Variants in GNS observed in about 807,000 individuals in gnomAD.
GNS encodes the protein N-acetylglucosamine-6-sulfatase.
GNS carries 40 observed loss-of-function variants against 69.7 expected under a neutral mutation model. That is an observed-to-expected ratio of 0.57 (90% CI 0.45 to 0.75). The LOEUF is 0.75. Among genes scored for constraint, GNS ranks in the 30% least tolerant of loss-of-function variants. The probability of loss-of-function intolerance (pLI) is 0.00; values close to 1 mark genes in which losing one functional copy is unlikely to be tolerated. For missense variants in GNS, 565 were observed against 685.5 expected, an observed-to-expected ratio of 0.82 and a Z score of 1.96; for synonymous variants, 243 against 251.6, an observed-to-expected ratio of 0.97 and a Z score of 0.32.
At chr12:64,745,204 CTTTTTTTTTTTTTTTTTT>C (rs141453545) in intron 4 of GNS, among the ~76,000 whole-genome samples, 7 of 42,352 alleles carry the variant, frequency 1.7e-4, no homozygotes, top group African/African-American at 5.9e-4. Flanking sequence ...AGTCAATAGA[CTTTTTTTTTTTTTTTTTT>C]TTTTTTTTTT....
chr12:64,719,754 CA>C (rs1868967188), intron 13 of GNS, among the ~76,000 whole-genome samples: 1 of 152,084 alleles, frequency 6.6e-6, no homozygotes, highest in Admixed American at 6.6e-5. Context: ...GGTACCATGA[CA>C]ATAATCACAG....
chr12:64,756,753 C>G, intron 1 of GNS: 1 of 1,490,014 alleles, frequency 6.7e-7, no homozygotes, highest in Non-Finnish European at 9.0e-7. Context: ...GTAGAATATT[C>G]TGAAAAAGCC....
chr12:64,728,917 C>T (rs548972105), intron 10 of GNS, 39 bp downstream of exon 10: 16 of 892,280 alleles, frequency 1.8e-5, no homozygotes, highest in Middle Eastern at 2.1e-4. Context: ...GAATTTATTG[C>T]GGTCTTGGCT....
chr12:64,752,749 T>C lies in GNS; in HGVS notation c.201A>G (p.Leu67=). 1.3e-6 allele frequency: 2 copies of C among 1,496,594 alleles called. No individual in the cohort carries two copies. Among genetic ancestry groups the C allele is most frequent in the Non-Finnish European group, 1.9e-6 (2 of 1,075,082 alleles). 92.7% of individuals were successfully genotyped at this position (1,496,594 alleles called of 1,614,324 possible). A position where few individuals can be genotyped will look rare whatever the true frequency, so the allele number is the denominator to read the frequency against. Residue 67 remains leucine, a synonymous_variant, in exon 2 of 14, where the codon CTA becomes CTG. Transcript: ENST00000258145. ...CTCCGATGAGAGCTTTGGTTTTCTTTAGCGGTGTCTGTAAAAGTAAGTAAT... is the reference window on the plus strand; with the variant it reads ...CTCCGATGAGAGCTTTGGTTTTCTTCAGCGGTGTCTGTAAAAGTAAGTAAT... The part of the protein sequence containing the change: ...QDEVLGGMTP[L]KKTKALIGEM...
intron 1 of GNS, among the ~76,000 whole-genome samples, chr12:64,757,591 T>C (rs1870294096): frequency 1.3e-5 from 2 of 152,118 alleles, no homozygotes; most frequent in Non-Finnish European, 2.9e-5. Flanking sequence ...GTAGTCAAAA[T>C]GCAAGCCTCT....
At chr12:64,742,177 C>T (rs950005452) in intron 6 of GNS, among the ~76,000 whole-genome samples, 12 of 152,060 alleles carry the variant, frequency 7.9e-5, no homozygotes, top group East Asian at 1.9e-4. Flanking sequence ...TCCACCACCA[C>T]GCCCGGCTAA....
chr12:64,731,139 C>G (rs757975517), intron 9 of GNS, among the ~76,000 whole-genome samples: 2 of 152,208 alleles, frequency 1.3e-5, no homozygotes, highest in African/African-American at 4.8e-5. Flanking sequence ...TGCAGTGGCA[C>G]AATCACAGCT....
At chr12:64,726,783 A>T (rs1869214695) in intron 10 of GNS, among the ~76,000 whole-genome samples, 1 of 152,164 alleles carries the variant, frequency 6.6e-6, no homozygotes, top group Admixed American at 6.5e-5. Context: ...GGTGTGAGCC[A>T]CTGCACCTGG....
Position 64,738,592 on chromosome 12 carries a change from T to G in GNS, c.994+789A>C, listed in dbSNP as rs139095139. On this transcript the variant is annotated intron_variant, in intron 8 of 13. Transcript: ENST00000258145. ...CTTAGGGAGGCTGAGGTAGGCAGAT[T>G]ACCTGAGGTCAGGAGTTCAAGACCA... Among the ~76,000 whole-genome samples the G allele has an allele frequency of 2.4e-3, 361 of 152,152 alleles. 1 individual carries two copies. Among genetic ancestry groups the G allele is most frequent in the African/African-American group, 8.3e-3 (346 of 41,526 alleles).
intron 9 of GNS, among the ~76,000 whole-genome samples, chr12:64,732,238 G>A (rs1191081802): frequency 6.9e-6 from 1 of 144,498 alleles, no homozygotes; most frequent in Non-Finnish European, 1.5e-5. Flanking sequence ...CACGATCTCA[G>A]CTCACTGCAA....
chr12:64,721,519 C>T, intron 12 of GNS, 76 bp downstream of exon 12: 1 of 797,460 alleles, frequency 1.3e-6, no homozygotes, highest in Non-Finnish European at 2.3e-6. Flanking sequence ...TGGAATTGCT[C>T]TTATGCCACC....
chr12:64,721,256 G>A (rs949104862), intron 12 of GNS, among the ~76,000 whole-genome samples: 4 of 152,196 alleles, frequency 2.6e-5, no homozygotes, highest in Admixed American at 6.5e-5. Context: ...AGGAGTTTCC[G>A]AATACACCAG....
In GNS at chr12:64,713,637, T is replaced by A. The variant is rs1868776140; in HGVS notation, c.*3104A>T. ...GTGGTAAAACTCAAGAACCCAACTC[T>A]ACCCATCTAATTCCATTGGTGGATC... On this transcript the variant is annotated 3_prime_UTR_variant, in exon 14 of 14. Transcript: ENST00000258145. The A allele has an allele frequency of 6.6e-6, 1 of 152,482 alleles. No homozygotes were observed. The allele number at this position is 152,482 out of a possible 1,614,324, so 9.4% of individuals were successfully genotyped here. A position where few individuals can be genotyped will look rare whatever the true frequency, so the allele number is the denominator to read the frequency against.
rs1323813718 is a variant in GNS, at chr12:64,716,321, G to T, written c.*420C>A. ...GTGCTCAATCTGAAATGCTACACAG[G>T]TCCTTTGACTTTAGGTCAAGCTTAC... On this transcript the variant is annotated 3_prime_UTR_variant, in exon 14 of 14. Coordinates refer to ENST00000258145, the MANE Select transcript of GNS (RefSeq NM_002076.4). 2 of 263,606 alleles carry T rather than the reference G, an allele frequency of 7.6e-6. No individual in the cohort carries two copies. The highest frequency in any genetic ancestry group is 1.5e-5 in the Non-Finnish European group (2 of 132,366). The allele number at this position is 263,606 out of a possible 1,614,324, so 16.3% of individuals were successfully genotyped here. A position where few individuals can be genotyped will look rare whatever the true frequency, so the allele number is the denominator to read the frequency against.
At chr12:64,740,820 T>G in intron 6 of GNS, 132 bp from the exon 7 acceptor site, 1 of 670,684 alleles carries the variant, frequency 1.5e-6, no homozygotes, top group East Asian at 2.7e-5. Context: ...TGGAACTTGT[T>G]TAAGCAATTT....
chr12:64,755,063 C>A (rs544983340), intron 1 of GNS, among the ~76,000 whole-genome samples: 4 of 152,020 alleles, frequency 2.6e-5, no homozygotes, highest in Admixed American at 1.3e-4. Flanking sequence ...TCCTTAAGAT[C>A]GAAGCAAAGA....
intron 1 of GNS, among the ~76,000 whole-genome samples, chr12:64,753,736 G>A (rs1870153594): frequency 6.6e-6 from 1 of 152,046 alleles, no homozygotes; most frequent in South Asian, 2.1e-4. Flanking sequence ...CAAAACCTAC[G>A]GAATCCATAA....
chr12:64,754,175 A>G (rs925702752), intron 1 of GNS, among the ~76,000 whole-genome samples: 6 of 152,236 alleles, frequency 3.9e-5, no homozygotes, highest in Non-Finnish European at 7.3e-5. Flanking sequence ...TGGACAGAGG[A>G]TAGATGGTCC....
chr12:64,739,246 G>T (rs773762056), intron 8 of GNS, 135 bp downstream of exon 8: 44 of 765,210 alleles, frequency 5.8e-5, no homozygotes, highest in Non-Finnish European at 1.0e-4. Context: ...CAACTGGAGG[G>T]GTCCTGAGGG....
Sources: allele counts gnomAD v4.1 joint callset (sites outside exome capture counted in the v4.1 genomes callset), GRCh38; gene constraint gnomAD v4.1.1; transcripts MANE v1.5; gene names NCBI Gene and HGNC (gene_info 2026-07-23, HGNC 2026-07-21).